Variants in FCRL4 observed in about 807,000 individuals in gnomAD.
FCRL4 encodes the protein Fc receptor-like protein 4.
In FCRL4, 43 loss-of-function variants were observed where a neutral mutation model predicts 64.1. That is an observed-to-expected ratio of 0.67 (90% confidence interval 0.53 to 0.87). The LOEUF is 0.87. FCRL4 is among the 40% of genes least tolerant of loss of function. The pLI, the probability that FCRL4 is intolerant of heterozygous loss-of-function variation, is 0.00. For synonymous variants in FCRL4, 253 were observed against 239.8 expected, an observed-to-expected ratio of 1.05 and a Z score of -0.51; for missense variants, 656 against 613.5, an observed-to-expected ratio of 1.07 and a Z score of -0.73.
intron 2 of FCRL4, among the ~76,000 whole-genome samples, chr1:157,594,047 C>T (rs1197193330): frequency 6.6e-6 from 1 of 152,202 alleles, no homozygotes; most frequent in Non-Finnish European, 1.5e-5. Flanking sequence ...TGTGGAACCA[C>T]TGCTCTGATG....
chr1:157,585,349 T>C (rs138652706), intron 6 of FCRL4, among the ~76,000 whole-genome samples: 65 of 27,738 alleles, frequency 2.3e-3, no homozygotes, highest in African/African-American at 8.2e-3. Context: ...TCTCTCTCTT[T>C]CTTTCTTTCT....
intron 2 of FCRL4, among the ~76,000 whole-genome samples, chr1:157,595,289 G>A (rs1293383231): frequency 6.6e-6 from 1 of 152,232 alleles, no homozygotes; most frequent in African/African-American, 2.4e-5. Context: ...CTGTGTTTCT[G>A]CTGAAGAGAA....
At chr1:157,593,462 C>T (rs187856497) in intron 2 of FCRL4, among the ~76,000 whole-genome samples, 74 of 152,276 alleles carry the variant, frequency 4.9e-4, no homozygotes, top group African/African-American at 1.4e-3. Flanking sequence ...CAGGTTGTCT[C>T]GCCAGTTACC....
intron 2 of FCRL4, among the ~76,000 whole-genome samples, chr1:157,589,827 C>T (rs1160237261): frequency 6.6e-6 from 1 of 152,152 alleles, no homozygotes; most frequent in Non-Finnish European, 1.5e-5. Context: ...ACAGAGACCT[C>T]TCTAAGATGA....
intron 6 of FCRL4, 124 bp from the exon 7 acceptor site, chr1:157,581,768 A>G (rs1043563052): frequency 1.4e-6 from 1 of 713,048 alleles, no homozygotes; most frequent in Non-Finnish European, 2.3e-6. Context: ...AGGTCTCATA[A>G]AGACATCTTG....
At chr1:157,578,398 C>A in intron 10 of FCRL4, 76 bp downstream of exon 10, 1 of 1,224,214 alleles carries the variant, frequency 8.2e-7, no homozygotes. Context: ...ATACCTAGCA[C>A]ATAGGAGGTG....
chr1:157,577,015 A>G (rs1157607826), intron 10 of FCRL4, among the ~76,000 whole-genome samples: 1 of 152,234 alleles, frequency 6.6e-6, no homozygotes, highest in Non-Finnish European at 1.5e-5. Flanking sequence ...GTGGATTTAT[A>G]CAAGAAATAG....
intron 6 of FCRL4, 40 bp from the exon 7 acceptor site, chr1:157,581,684 T>G: frequency 8.4e-6 from 13 of 1,540,364 alleles, no homozygotes; most frequent in African/African-American, 1.4e-5. Context: ...GTGGAGAGGT[T>G]CAGGGTTTGG....
In FCRL4 at chr1:157,587,854, G is replaced by C. The variant is rs772866724; in HGVS notation, c.562+11C>G. On this transcript the variant is annotated intron_variant, in intron 4 of 11. Coordinates refer to ENST00000271532, the MANE Select transcript of FCRL4 (RefSeq NM_031282.3). ...ATTACTAAGCAAATCTATATGAACTGAAAGATTCACCTTGAATTTTAATTA... is the reference window on the plus strand; with the variant it reads ...ATTACTAAGCAAATCTATATGAACTCAAAGATTCACCTTGAATTTTAATTA... 19 of 1,598,252 alleles carry C rather than the reference G, an allele frequency of 1.2e-5. No homozygotes were observed. In the South Asian group the frequency reaches 2.1e-4, roughly 18 times the overall value.
rs1333423748 is a variant in FCRL4, at chr1:157,589,463, G to T, written c.53-5C>A. Reference sequence around the variant, plus strand: ...TCACAGGTTTGTGTGCAGCTGCTGAGGAGGAAAGAGTAATAGGTCTGAGGT... The same window carrying T: ...TCACAGGTTTGTGTGCAGCTGCTGATGAGGAAAGAGTAATAGGTCTGAGGT... On this transcript the variant is annotated splice_polypyrimidine_tract_variant and splice_region_variant and intron_variant, in intron 2 of 11. Coordinates refer to ENST00000271532, the MANE Select transcript of FCRL4 (RefSeq NM_031282.3). 1.2e-6 allele frequency: 2 copies of T among 1,613,460 alleles called. No individual in the cohort carries two copies. The highest frequency in any genetic ancestry group is 2.2e-5 in the South Asian group (2 of 91,034).
chr1:157,596,659 G>A (rs1010034773), intron 1 of FCRL4, among the ~76,000 whole-genome samples: 2 of 152,194 alleles, frequency 1.3e-5, no homozygotes, highest in Admixed American at 6.5e-5. Context: ...AGATCAGTAA[G>A]GTTTCAATTA....
chr1:157,581,406 G>A (rs1652555939), intron 7 of FCRL4, 125 bp downstream of exon 7: 3 of 717,566 alleles, frequency 4.2e-6, no homozygotes, highest in African/African-American at 1.8e-5. Context: ...GTGTGTGAAC[G>A]CTGGGAGTGG....
chr1:157,589,133 T>C (rs1557791550), intron 3 of FCRL4, 71 bp downstream of exon 3: 1 of 1,530,052 alleles, frequency 6.5e-7, no homozygotes. Context: ...CCCCAGTTCG[T>C]GGAATCTCCA....
In FCRL4 at chr1:157,575,086, T is replaced by A; in HGVS notation, c.*438A>T. 7.3e-6 allele frequency: 2 copies of A among 272,228 alleles called. No homozygotes were observed. The highest frequency in any genetic ancestry group is 9.5e-5 in the Admixed American group (2 of 21,042). The allele number at this position is 272,228 out of a possible 1,614,324, so 16.9% of individuals were successfully genotyped here. A position where few individuals can be genotyped will look rare whatever the true frequency, so the allele number is the denominator to read the frequency against. On this transcript the variant is annotated 3_prime_UTR_variant, in exon 12 of 12. Coordinates refer to ENST00000271532, the MANE Select transcript of FCRL4 (RefSeq NM_031282.3). The stretch of plus-strand genomic sequence containing the variant: ...AGCCACTCACAGTTAAACAAACTGA[T>A]GCAAGTGAGTCTCCAGTGAGACAAT...
intron 2 of FCRL4, among the ~76,000 whole-genome samples, chr1:157,595,340 T>G (rs1652937822): frequency 6.6e-6 from 1 of 152,228 alleles, no homozygotes; most frequent in Non-Finnish European, 1.5e-5. Flanking sequence ...AGCACCTGGA[T>G]GCAGGGCCAT....
intron 2 of FCRL4, among the ~76,000 whole-genome samples, chr1:157,592,173 G>T (rs1381569826): frequency 1.3e-5 from 2 of 152,122 alleles, no homozygotes; most frequent in African/African-American, 2.4e-5. Flanking sequence ...TACCATTCAG[G>T]ACATAGGCAT....
In FCRL4 at chr1:157,575,710, G is replaced by T; in HGVS notation, c.1450C>A (p.Leu484Ile). 1 of 1,613,898 alleles carries T rather than the reference G, an allele frequency of 6.2e-7. No homozygotes were observed. The highest frequency in any genetic ancestry group is 8.5e-7 in the Non-Finnish European group (1 of 1,179,832). Residue 484 changes from leucine (L) to isoleucine (I), a missense_variant, in exon 11 of 12, where the codon CTA becomes ATA. Leu to Ile is a conservative substitution (Grantham distance 5). Transcript: ENST00000271532. ...EEEANTSRTL[L>I]EDKDVSVVYS... ...GAAATGAAACTCACCTTATCCTCTA[G>T]AAGTGTCCTGGAGGTATTAGCTGTG...
At chr1:157,586,578 C>T (rs1652702626) in intron 5 of FCRL4, 123 bp from the exon 6 acceptor site, 2 of 797,304 alleles carry the variant, frequency 2.5e-6, no homozygotes, top group Admixed American at 2.7e-5. Context: ...CAGGCACTAG[C>T]ATTGTGGCCA....
intron 1 of FCRL4, 34 bp from the exon 2 acceptor site, chr1:157,596,382 G>A: frequency 6.2e-7 from 1 of 1,613,656 alleles, no homozygotes; most frequent in Non-Finnish European, 8.5e-7. Context: ...CATCAGCGTA[G>A]GCGAAGAGTC....
Sources: allele counts gnomAD v4.1 joint callset (sites outside exome capture counted in the v4.1 genomes callset), GRCh38; gene constraint gnomAD v4.1.1; transcripts MANE v1.5; gene names NCBI Gene and HGNC (gene_info 2026-07-23, HGNC 2026-07-21).